The following MATN2 variants were observed in gnomAD, a reference collection of about 807,000 sequenced individuals.
MATN2 encodes matrilin-2.
A neutral mutation model predicts 103.2 loss-of-function variants in MATN2; 69 were observed. The observed-to-expected ratio is 0.67, with a 90% confidence interval of 0.55 to 0.82. MATN2 has a LOEUF of 0.82. MATN2 is among the 40% of genes least tolerant of loss of function. The pLI is 0.00. For synonymous variants in MATN2, 429 were observed against 450.2 expected, an observed-to-expected ratio of 0.95 and a Z score of 0.60; for missense variants, 1,023 against 1,211.5, an observed-to-expected ratio of 0.84 and a Z score of 2.31.
rs371115753 is a variant in MATN2 at position 98,021,353 on chromosome 8, G to A, written c.1942+26G>A. ...GTAAGTGATCTGAACTTGGCTCTCT[G>A]CTTTAATTTTGTTTTGGAGCAACTG... On this transcript the variant is annotated intron_variant, in intron 13 of 18. Coordinates refer to ENST00000254898, the MANE Select transcript of MATN2 (RefSeq NM_002380.5). The A allele has an allele frequency of 1.8e-5, 29 of 1,604,778 alleles. No homozygotes were observed. In the African/African-American group the frequency reaches 3.7e-4, roughly 21 times the overall value.
At chr8:97,964,088 T>A (rs1811404369) in intron 5 of MATN2, among the ~76,000 whole-genome samples, 1 of 152,072 alleles carries the variant, frequency 6.6e-6, no homozygotes, top group Non-Finnish European at 1.5e-5. Context: ...TGAAGGGCAG[T>A]GACTGTGGAG....
chr8:97,886,325 C>T (rs76882006), intron 1 of MATN2, among the ~76,000 whole-genome samples: 4 of 152,178 alleles, frequency 2.6e-5, no homozygotes, highest in Non-Finnish European at 4.4e-5. Context: ...TGAATCATCC[C>T]AAAACCACCC....
At chr8:97,937,575 C>G (rs1465051283) in intron 3 of MATN2, among the ~76,000 whole-genome samples, 1 of 149,024 alleles carries the variant, frequency 6.7e-6, no homozygotes, top group Non-Finnish European at 1.5e-5. Context: ...ATTCCCCCTC[C>G]CCACTAACTT....
At chr8:98,018,901 A>AT (rs1034371148) in intron 12 of MATN2, among the ~76,000 whole-genome samples, 1 of 151,780 alleles carries the variant, frequency 6.6e-6, no homozygotes, top group African/African-American at 2.4e-5. Context: ...TTTTTCTATT[A>AT]TTTTTATCAT....
intron 2 of MATN2, among the ~76,000 whole-genome samples, chr8:97,900,134 T>G (rs529015439): frequency 6.6e-6 from 1 of 152,330 alleles, no homozygotes; most frequent in Admixed American, 6.5e-5. Flanking sequence ...CCTGTTTCAG[T>G]ATATCCAGGG....
intron 2 of MATN2, among the ~76,000 whole-genome samples, chr8:97,912,971 G>C (rs919296819): frequency 1.1e-4 from 17 of 152,292 alleles, no homozygotes; most frequent in African/African-American, 3.8e-4. Context: ...AGGAGTGGGA[G>C]CCCAGGGACC....
intron 15 of MATN2, among the ~76,000 whole-genome samples, chr8:98,031,052 A>G (rs1813999159): frequency 6.6e-6 from 1 of 152,152 alleles, no homozygotes; most frequent in Non-Finnish European, 1.5e-5. Context: ...GTACAAAAAG[A>G]AGGGCTGGGC....
chr8:97,888,475 G>A (rs766445008), intron 2 of MATN2, among the ~76,000 whole-genome samples: 4 of 152,174 alleles, frequency 2.6e-5, no homozygotes, highest in Non-Finnish European at 5.9e-5. Flanking sequence ...TGAGGCTTAT[G>A]GCTTTTCTCC....
At chr8:97,892,841 A>G (rs904600164) in intron 2 of MATN2, among the ~76,000 whole-genome samples, 1 of 152,086 alleles carries the variant, frequency 6.6e-6, no homozygotes, top group Non-Finnish European at 1.5e-5. Context: ...TCCCCAAACT[A>G]CACTTGAGAA....
At position 97,931,568 on chromosome 8, in the gene MATN2, T is replaced by G. The variant is rs1315812538; in HGVS notation, c.712+46T>G. ...ACTCTTCTAGAGGAACCACTAGAAT[T>G]CATTCATTCATCTTCAAGTGTTCAT... On this transcript the variant is annotated intron_variant, in intron 3 of 18. Coordinates refer to ENST00000254898, the MANE Select transcript of MATN2 (RefSeq NM_002380.5). This position sits in a 1 kb window ranked among gnomAD's most constrained non-coding sequence, Gnocchi z 4.1. 1 of 1,472,960 alleles carries G rather than the reference T, an allele frequency of 6.8e-7. No individual in the cohort carries two copies. Among genetic ancestry groups the G allele is most frequent in the African/African-American group, 1.4e-5 (1 of 71,638 alleles). The allele number at this position is 1,472,960 out of a possible 1,614,324, so 91.2% of individuals were successfully genotyped here.
At chr8:97,995,161 G>A (rs1460008315) in intron 7 of MATN2, among the ~76,000 whole-genome samples, 1 of 152,204 alleles carries the variant, frequency 6.6e-6, no homozygotes, top group African/African-American at 2.4e-5. Flanking sequence ...CATGATTGGG[G>A]ATCTGAGCAC....
intron 2 of MATN2, among the ~76,000 whole-genome samples, chr8:97,926,200 C>T (rs943316106): frequency 7.9e-5 from 12 of 152,064 alleles, no homozygotes; most frequent in African/African-American, 2.7e-4. Context: ...TATTATGGGC[C>T]CACAAACTGT....
chr8:98,035,628 T>G, intron 18 of MATN2, 29 bp from the exon 19 acceptor site: 1 of 1,384,504 alleles, frequency 7.2e-7, no homozygotes, highest in Non-Finnish European at 1.0e-6. Flanking sequence ...AAATAGACAA[T>G]TCTTCATCTT....
intron 15 of MATN2, among the ~76,000 whole-genome samples, chr8:98,031,009 C>T (rs1242492818): frequency 6.6e-6 from 1 of 152,098 alleles, no homozygotes; most frequent in Non-Finnish European, 1.5e-5. Context: ...AAAGTGTCTC[C>T]TTCATGGGCA....
In MATN2 at chr8:97,933,962, C is replaced by G. The variant is rs1369717583; in HGVS notation, c.712+2440C>G. Among the ~76,000 whole-genome samples the G allele has an allele frequency of 1.3e-5, 2 of 152,234 alleles. 1 individual carries two copies. Among genetic ancestry groups the G allele is most frequent in the Non-Finnish European group, 2.9e-5 (2 of 68,046 alleles). ...AGGCAGGCAGCACACTCTTGCCACT[C>G]TCTTTTTACAGGTTAAGGAACTTGC... On this transcript the variant is annotated intron_variant, in intron 3 of 18. Coordinates refer to ENST00000254898, the MANE Select transcript of MATN2 (RefSeq NM_002380.5).
chr8:97,929,094 G>C (rs1325927639), intron 2 of MATN2, among the ~76,000 whole-genome samples: 1 of 151,980 alleles, frequency 6.6e-6, no homozygotes, highest in Non-Finnish European at 1.5e-5. Flanking sequence ...GTTATGCATG[G>C]GTATGTCAGA....
At chr8:98,022,388 C>A (rs1813629331) in intron 13 of MATN2, among the ~76,000 whole-genome samples, 1 of 151,792 alleles carries the variant, frequency 6.6e-6, no homozygotes, top group African/African-American at 2.4e-5. Context: ...CATACACACA[C>A]CCTTTTTCTA....
At chr8:98,026,270 T>TTA (rs1386201895) in intron 13 of MATN2, among the ~76,000 whole-genome samples, 1 of 150,998 alleles carries the variant, frequency 6.6e-6, no homozygotes, top group Non-Finnish European at 1.5e-5. Flanking sequence ...TTTTTTTTTT[T>TTA]ACGGAGAGAT....
intron 7 of MATN2, among the ~76,000 whole-genome samples, chr8:98,000,731 T>A (rs975143380): frequency 6.6e-6 from 1 of 152,222 alleles, no homozygotes; most frequent in East Asian, 1.9e-4. Context: ...TATGATGCTA[T>A]GATTATCATC....
Sources: gnomAD v4.1 joint callset for allele counts (sites outside exome capture counted in the v4.1 genomes callset) on GRCh38, gnomAD v4.1.1 for gene constraint, Gnocchi (gnomAD v3.1) non-coding constraint, MANE v1.5 for transcripts, NCBI Gene and HGNC (gene_info 2026-07-23, HGNC 2026-07-21) for gene names.